The following TCERG1L variants were observed in gnomAD, a reference collection of about 807,000 sequenced individuals.
The protein encoded by TCERG1L is transcription elongation regulator 1-like protein.
In TCERG1L, 37 loss-of-function variants were observed where a neutral mutation model predicts 56.3. The ratio of observed to expected loss-of-function variants is 0.66; its 90% CI spans 0.51 to 0.87. The LOEUF is 0.87. Ranked by LOEUF, TCERG1L falls within the 40% of genes least tolerant of loss-of-function variation. TCERG1L has a pLI of 0.00. For synonymous variants in TCERG1L, 324 were observed against 326.3 expected, an observed-to-expected ratio of 0.99 and a Z score of 0.08; for missense variants, 799 against 774.2, an observed-to-expected ratio of 1.03 and a Z score of -0.38.
chr10:131,208,101 A>C (rs1021582386), intron 4 of TCERG1L, among the ~76,000 whole-genome samples: 2 of 152,100 alleles, frequency 1.3e-5, no homozygotes, highest in African/African-American at 4.8e-5. Flanking sequence ...GACCCCAAGG[A>C]CCAGCTCAAA....
chr10:131,207,300 A>T (rs985081404), intron 4 of TCERG1L, among the ~76,000 whole-genome samples: 1 of 152,164 alleles, frequency 6.6e-6, no homozygotes, highest in African/African-American at 2.4e-5. Context: ...ATGGGCTGAA[A>T]GCCAGCATGA....
rs994330228 is a variant in TCERG1L, at chr10:131,135,575, G to T, written c.1190-1127C>A. On this transcript the variant is annotated intron_variant, in intron 7 of 11. Coordinates refer to ENST00000368642, the MANE Select transcript of TCERG1L (RefSeq NM_174937.4). ...GCTTCTTTTCAATGTGCAGCGTGGGGCCCTTGGTAAGAGGAGAGGGTCAGG... is the reference window on the plus strand; with the variant it reads ...GCTTCTTTTCAATGTGCAGCGTGGGTCCCTTGGTAAGAGGAGAGGGTCAGG... 3.3e-5 allele frequency among the ~76,000 whole-genome samples: 5 copies of T among 152,186 alleles called. No homozygotes were observed. The South Asian group carries it at 6.2e-4, about 19-fold the overall frequency.
At chr10:131,161,349 A>G (rs1056327163) in intron 6 of TCERG1L, 1 of 152,242 alleles carries the variant, frequency 6.6e-6, no homozygotes, top group South Asian at 2.1e-4. Context: ...TGTGATGTGC[A>G]TAAAAGGATG....
rs1044911949 is a variant in TCERG1L at position 131,118,234 on chromosome 10, T to A, written c.1260-1300A>T. Reference sequence around the variant, plus strand: ...AAGCAGTGGCTTAGGGCCTCCTACATTCTGGGAGCTCCCTAAGTGCTCGGA... The same window carrying A: ...AAGCAGTGGCTTAGGGCCTCCTACAATCTGGGAGCTCCCTAAGTGCTCGGA... On this transcript the variant is annotated intron_variant, in intron 8 of 11. Transcript: ENST00000368642. This position sits in a 1 kb window ranked among gnomAD's most constrained non-coding sequence, Gnocchi z 4.2. 6.6e-6 allele frequency among the ~76,000 whole-genome samples: 1 copy of A among 152,174 alleles called. No homozygotes were observed. The highest frequency in any genetic ancestry group is 2.4e-5 in the African/African-American group (1 of 41,458).
intron 4 of TCERG1L, among the ~76,000 whole-genome samples, chr10:131,233,374 T>C (rs899852066): frequency 6.6e-6 from 1 of 152,184 alleles, no homozygotes; most frequent in African/African-American, 2.4e-5. Flanking sequence ...ACAGCCATTA[T>C]ATTTTTACTA....
intron 1 of TCERG1L, among the ~76,000 whole-genome samples, chr10:131,309,834 C>CAAAAAAGAAAAA (rs1846860902): frequency 2.0e-5 from 1 of 49,822 alleles, no homozygotes; most frequent in Non-Finnish European, 3.5e-5. Flanking sequence ...GATTCTATGG[C>CAAAAAAGAAAAA]AAAAAAAAAA....
chr10:131,212,493 T>C (rs1220182538), intron 4 of TCERG1L, among the ~76,000 whole-genome samples: 1 of 152,234 alleles, frequency 6.6e-6, no homozygotes, highest in Non-Finnish European at 1.5e-5. Flanking sequence ...GCTTGGCATC[T>C]GTAAGCTCAA....
At chr10:131,183,433 G>T (rs951441270) in intron 4 of TCERG1L, among the ~76,000 whole-genome samples, 1 of 152,048 alleles carries the variant, frequency 6.6e-6, no homozygotes, top group Non-Finnish European at 1.5e-5. Context: ...CTATCAAATG[G>T]GCCAGCCTTT....
Position 131,246,537 on chromosome 10 carries a change from T to C in TCERG1L, c.856+13722A>G, listed in dbSNP as rs77731248. ...TATGATGAGAGGAGGCATTTCCCAGTTGGAGAAGAACGGCAAAAAACAGAG... is the reference window on the plus strand; with the variant it reads ...TATGATGAGAGGAGGCATTTCCCAGCTGGAGAAGAACGGCAAAAAACAGAG... On this transcript the variant is annotated intron_variant, in intron 4 of 11. Transcript: ENST00000368642. Among the ~76,000 whole-genome samples, 913 of 152,164 alleles carry C rather than the reference T, an allele frequency of 6.0e-3. 11 individuals are homozygous for C. Among genetic ancestry groups the C allele is most frequent in the African/African-American group, 0.017 (696 of 41,498 alleles).
At chr10:131,288,587 A>G (rs1164061960) in intron 3 of TCERG1L, among the ~76,000 whole-genome samples, 1 of 152,206 alleles carries the variant, frequency 6.6e-6, no homozygotes, top group Non-Finnish European at 1.5e-5. Context: ...CCAGACATCA[A>G]GCTCTGTGCC....
chr10:131,127,857 A>G (rs1271269829), intron 8 of TCERG1L, among the ~76,000 whole-genome samples: 1 of 152,124 alleles, frequency 6.6e-6, no homozygotes, highest in Non-Finnish European at 1.5e-5. Context: ...GGGATGACAG[A>G]GAACCACCAC....
chr10:131,157,928 A>G (rs1845940642), intron 6 of TCERG1L, among the ~76,000 whole-genome samples: 1 of 152,262 alleles, frequency 6.6e-6, no homozygotes, highest in Middle Eastern at 3.2e-3. Flanking sequence ...ACCATTTTCA[A>G]TGGTTACACT....
At chr10:131,257,806 G>A (rs929167341) in intron 4 of TCERG1L, among the ~76,000 whole-genome samples, 1 of 152,172 alleles carries the variant, frequency 6.6e-6, no homozygotes, top group Non-Finnish European at 1.5e-5. Flanking sequence ...TCCAGTTGGG[G>A]ACCATTAAGC....
intron 3 of TCERG1L, among the ~76,000 whole-genome samples, chr10:131,291,164 AT>A (rs1589774605): frequency 6.6e-6 from 1 of 152,088 alleles, no homozygotes; most frequent in East Asian, 1.9e-4. Flanking sequence ...ATTTATGTCT[AT>A]TTTTATTATA....
intron 6 of TCERG1L, among the ~76,000 whole-genome samples, chr10:131,159,056 T>G (rs117411842): frequency 0.048 from 7,260 of 152,306 alleles, 216 homozygotes; most frequent in Middle Eastern, 0.15. Context: ...CACAAGACCT[T>G]TCCCTGCTTT....
intron 7 of TCERG1L, among the ~76,000 whole-genome samples, chr10:131,139,862 G>A (rs181984149): frequency 5.3e-5 from 8 of 152,106 alleles, no homozygotes; most frequent in East Asian, 1.9e-4. Context: ...GTGTCTGTGC[G>A]TGTATATATG....
chr10:131,246,806 A>G (rs1846044633), intron 4 of TCERG1L, among the ~76,000 whole-genome samples: 1 of 152,108 alleles, frequency 6.6e-6, no homozygotes, highest in Non-Finnish European at 1.5e-5. Flanking sequence ...CCAGCCACAC[A>G]CCCCTACAAG....
chr10:131,267,799 G>A lies in TCERG1L; in HGVS notation c.671-7355C>T, dbSNP rs560776950. 1.3e-5 allele frequency among the ~76,000 whole-genome samples: 2 copies of A among 152,216 alleles called. No homozygotes were observed. The highest frequency in any genetic ancestry group is 2.9e-5 in the Non-Finnish European group (2 of 68,034). On this transcript the variant is annotated intron_variant, in intron 3 of 11. Coordinates refer to ENST00000368642, the MANE Select transcript of TCERG1L (RefSeq NM_174937.4). This position sits in a 1 kb window ranked among gnomAD's most constrained non-coding sequence, Gnocchi z 4.9. ...CACTGCTGCTCCCACCACCAGTCCT[G>A]CTGCCCTGTCCACCTCCTTGCAGAC...
chr10:131,132,240 C>A (rs906606442), intron 8 of TCERG1L, among the ~76,000 whole-genome samples: 1 of 152,210 alleles, frequency 6.6e-6, no homozygotes, highest in African/African-American at 2.4e-5. Context: ...CATTTCCTCT[C>A]AGATCTGAGG....
Sources: allele counts gnomAD v4.1 joint callset (sites outside exome capture counted in the v4.1 genomes callset), GRCh38; gene constraint gnomAD v4.1.1; non-coding constraint Gnocchi (gnomAD v3.1); transcripts MANE v1.5; gene names NCBI Gene and HGNC (gene_info 2026-07-23, HGNC 2026-07-21).